VAV3: variants seen among roughly 807,000 people sequenced by gnomAD.
VAV3 encodes the protein vav guanine nucleotide exchange factor 3.
Under a neutral mutation model 131.2 loss-of-function variants are expected in VAV3, and 94 were observed. The ratio of observed to expected loss-of-function variants is 0.72; its 90% CI spans 0.61 to 0.85. The LOEUF (loss-of-function observed/expected upper bound fraction) is 0.85. Among genes scored for constraint, VAV3 ranks in the 40% least tolerant of loss-of-function variants. The pLI is 0.00. For synonymous variants in VAV3, 349 were observed against 342.0 expected (o/e 1.02, Z -0.22); for missense variants, 939 against 1,002.7 (o/e 0.94, Z 0.86).
intron 2 of VAV3, among the ~76,000 whole-genome samples, chr1:107,840,908 T>C: frequency 6.7e-6 from 1 of 149,120 alleles, no homozygotes; most frequent in East Asian, 1.9e-4. Context: ...ATCAACATGT[T>C]CAGAGATGCT....
chr1:107,786,676 G>A (rs1345164112), intron 2 of VAV3, among the ~76,000 whole-genome samples: 4 of 152,160 alleles, frequency 2.6e-5, no homozygotes, highest in Admixed American at 2.6e-4. Context: ...AAAACAAAAT[G>A]TGAGTGTGAC....
At chr1:107,720,462 A>G (rs1446723787) in intron 15 of VAV3, among the ~76,000 whole-genome samples, 1 of 149,726 alleles carries the variant, frequency 6.7e-6, no homozygotes, top group East Asian at 1.9e-4. Flanking sequence ...CTAAAAAAAA[A>G]AAAAAAAGGA....
In VAV3 at chr1:107,642,638, G is replaced by T; in HGVS notation, c.1895C>A (p.Ala632Glu). 1 of 1,613,208 alleles carries T rather than the reference G, an allele frequency of 6.2e-7. No individual in the cohort carries two copies. Among genetic ancestry groups the T allele is most frequent in the Non-Finnish European group, 8.5e-7 (1 of 1,179,512 alleles). Residue 632 changes from alanine to glutamate, a missense_variant, in exon 20 of 27, where the codon GCA becomes GAA. Physicochemically the swap from Ala to Glu is moderately radical, Grantham distance 107. Transcript: ENST00000370056. ...GDTVELLKGD[A>E]HSLFWQGRNL... ...CAGTACCTGCCAAAACAGACTGTGT[G>T]CATCTCCTTTCAGAAGTTCAACGGT...
intron 15 of VAV3, among the ~76,000 whole-genome samples, chr1:107,739,384 T>C (rs910387727): frequency 1.3e-5 from 2 of 152,222 alleles, no homozygotes; most frequent in African/African-American, 4.8e-5. Context: ...CTTCCTTTTA[T>C]TGCTGCCAGT....
intron 15 of VAV3, among the ~76,000 whole-genome samples, chr1:107,746,191 C>A (rs1405823866): frequency 1.3e-5 from 2 of 152,158 alleles, no homozygotes; most frequent in Non-Finnish European, 2.9e-5. Context: ...CAGACATTAT[C>A]AGGGCTTTCC....
In VAV3 at chr1:107,749,584, AG is replaced by A; in HGVS notation, c.1269del (p.Leu424TyrfsTer6). On this transcript the variant is annotated frameshift_variant, in exon 14 of 27. Transcript: ENST00000370056. LOFTEE classifies it high-confidence loss of function. ...CATACGATCACTGCCAAATCAAATA[AG>A]AAGATATGCCTGGGAAAAAGAGATT... Reference protein sequence around the residue: ...DKHTKQERHIFLFDLAVIVCK... With the variant: ...DKHTKQERHIXLFDLAVIVCK... The A allele has an allele frequency of 6.2e-7, 1 of 1,610,074 alleles. No homozygotes were observed. Among genetic ancestry groups the A allele is most frequent in the African/African-American group, 1.3e-5 (1 of 74,894 alleles).
intron 17 of VAV3, among the ~76,000 whole-genome samples, chr1:107,699,843 A>T (rs1402872226): frequency 6.6e-6 from 1 of 152,160 alleles, no homozygotes; most frequent in Non-Finnish European, 1.5e-5. Context: ...GGAGATTTAT[A>T]GCCAAGGAGG....
At chr1:107,852,633 AC>A (rs1183580914) in intron 2 of VAV3, among the ~76,000 whole-genome samples, 1 of 152,210 alleles carries the variant, frequency 6.6e-6, no homozygotes, top group Non-Finnish European at 1.5e-5. Flanking sequence ...AACTCATTTA[AC>A]CAACTTTCTT....
At chr1:107,743,624 T>G (rs1663152033) in intron 15 of VAV3, among the ~76,000 whole-genome samples, 1 of 152,210 alleles carries the variant, frequency 6.6e-6, no homozygotes, top group Non-Finnish European at 1.5e-5. Context: ...ACAAGGCAAG[T>G]GCACGATAAA....
intron 1 of VAV3, among the ~76,000 whole-genome samples, chr1:107,896,956 G>A (rs1297972803): frequency 6.6e-6 from 1 of 152,014 alleles, no homozygotes; most frequent in African/African-American, 2.4e-5. Flanking sequence ...AATCTATTCT[G>A]TACAAGACAC....
rs373328277 is a variant in VAV3, at chr1:107,774,941, C to T, written c.447-2098G>A. On this transcript the variant is annotated intron_variant, in intron 4 of 26. Coordinates refer to ENST00000370056, the MANE Select transcript of VAV3 (RefSeq NM_006113.5). Reference sequence around the variant, plus strand: ...TTTTTTTTTTTTTAAGATAACCCTACTTCACCTTTTATCCCAGAACTTTGG... The same window carrying T: ...TTTTTTTTTTTTTAAGATAACCCTATTTCACCTTTTATCCCAGAACTTTGG... Among the ~76,000 whole-genome samples the T allele has an allele frequency of 7.1e-4, 107 of 149,904 alleles. 1 individual carries two copies. The East Asian group carries it at 0.014, about 19-fold the overall frequency.
At chr1:107,837,986 T>C (rs1668547772) in intron 2 of VAV3, among the ~76,000 whole-genome samples, 1 of 152,094 alleles carries the variant, frequency 6.6e-6, no homozygotes, top group Non-Finnish European at 1.5e-5. Context: ...TGGCAAATAA[T>C]TCATGGTCAA....
chr1:107,602,510 T>A, intron 23 of VAV3, 26 bp from the exon 24 acceptor site: 1 of 1,519,130 alleles, frequency 6.6e-7, no homozygotes, highest in Admixed American at 2.3e-5. Flanking sequence ...AACTTATGAA[T>A]ATAAATGTGT....
At chr1:107,870,259 T>C (rs1357516120) in intron 2 of VAV3, among the ~76,000 whole-genome samples, 1 of 152,192 alleles carries the variant, frequency 6.6e-6, no homozygotes, top group Non-Finnish European at 1.5e-5. Flanking sequence ...ACCAGCAGCG[T>C]AGAAGTGTTC....
chr1:107,788,041 T>C (rs1666110725), intron 2 of VAV3, among the ~76,000 whole-genome samples: 1 of 152,078 alleles, frequency 6.6e-6, no homozygotes, highest in South Asian at 2.1e-4. Flanking sequence ...AGTCAATTCA[T>C]CCTTTTCAGA....
chr1:107,916,912 GA>G (rs1672648973), intron 1 of VAV3, among the ~76,000 whole-genome samples: 1 of 152,202 alleles, frequency 6.6e-6, no homozygotes, highest in African/African-American at 2.4e-5. Flanking sequence ...ACACAAAGGA[GA>G]GGGGAGAAAA....
intron 2 of VAV3, chr1:107,785,708 G>A: frequency 9.7e-7 from 1 of 1,031,286 alleles, no homozygotes. Flanking sequence ...CATGAGTGCT[G>A]GGTGGAGAAA....
chr1:107,668,839 T>C (rs760118858), intron 19 of VAV3: 7 of 985,632 alleles, frequency 7.1e-6, no homozygotes, highest in Non-Finnish European at 8.4e-6. Context: ...TTGTCACATG[T>C]TAAATGGAAT....
chr1:107,749,574 A>C lies in VAV3; in HGVS notation c.1280T>G (p.Leu427Trp). 4 of 1,610,898 alleles carry C rather than the reference A, an allele frequency of 2.5e-6. No homozygotes were observed. The highest frequency in any genetic ancestry group is 3.4e-6 in the Non-Finnish European group (4 of 1,179,140). The change falls in exon 14 of 27, where the codon TTG becomes TGG. Residue 427 changes from leucine to tryptophan, a missense_variant. Physicochemically the swap from Leu to Trp is moderately conservative, Grantham distance 61 (BLOSUM62 -2). Transcript: ENST00000370056. The stretch of plus-strand genomic sequence containing the variant: ...TTTTCTCTTACATACGATCACTGCC[A>C]AATCAAATAAGAAGATATGCCTGGG... Reference protein sequence around the residue: ...KQERHIFLFDLAVIVCKRKGD... With the variant: ...KQERHIFLFDWAVIVCKRKGD...
Sources: gnomAD v4.1 joint callset for allele counts (sites outside exome capture counted in the v4.1 genomes callset) on GRCh38, gnomAD v4.1.1 for gene constraint, MANE v1.5 for transcripts, NCBI Gene and HGNC (gene_info 2026-07-23, HGNC 2026-07-21) for gene names.